The following ERMARD variants were observed in gnomAD, a reference collection of about 807,000 sequenced individuals.
ERMARD encodes endoplasmic reticulum membrane-associated RNA degradation protein.
A neutral mutation model predicts 83.9 loss-of-function variants in ERMARD; 71 were observed. The ratio of observed to expected loss-of-function variants is 0.85; its 90% CI spans 0.70 to 1.03. ERMARD has a LOEUF of 1.03. Among genes scored for constraint, ERMARD ranks in the 50% least tolerant of loss-of-function variants. The pLI is 0.00. For missense variants in ERMARD, 838 were observed against 810.9 expected (o/e 1.03, Z -0.41); for synonymous variants, 284 against 298.6 (o/e 0.95, Z 0.50).
At chr6:169,775,838 C>G in intron 14 of ERMARD, 102 bp from the exon 15 acceptor site, 1 of 1,378,126 alleles carries the variant, frequency 7.3e-7, no homozygotes, top group Non-Finnish European at 9.8e-7. Context: ...GTGAGATTCA[C>G]AGTCAGGTCG....
In ERMARD at chr6:169,758,973, T is replaced by C; in HGVS notation, c.513T>C (p.Asn171=). ...TGTAATGATTTGCGGATTAGATGAA[T>C]GTGCTAAAAGTCTTCGTTGGCTCTC... The part of the protein sequence containing the change: ...LAQVFSQSVM[N]VLKVFVGSPC... The change falls in exon 6 of 18, where the codon AAT becomes AAC. Residue 171 remains asparagine, a synonymous_variant. Coordinates refer to ENST00000366773, the MANE Select transcript of ERMARD (RefSeq NM_018341.3). The C allele has an allele frequency of 2.5e-6, 4 of 1,613,362 alleles. No individual in the cohort carries two copies. The highest frequency in any genetic ancestry group is 2.7e-5 in the African/African-American group (2 of 75,036).
At chr6:169,778,139 C>T (rs1380177074) in intron 16 of ERMARD, among the ~76,000 whole-genome samples, 1 of 152,214 alleles carries the variant, frequency 6.6e-6, no homozygotes, top group Non-Finnish European at 1.5e-5. Flanking sequence ...CAGGAGAAAA[C>T]CCATGCCGAA....
intron 6 of ERMARD, among the ~76,000 whole-genome samples, chr6:169,759,500 A>G (rs1791244913): frequency 6.6e-6 from 1 of 151,604 alleles, no homozygotes; most frequent in Non-Finnish European, 1.5e-5. Flanking sequence ...GCTCATTACA[A>G]CCTCCTCCTC....
Position 169,775,280 on chromosome 6 carries a change from G to T in ERMARD, c.1328G>T (p.Cys443Phe), listed in dbSNP as rs771034185. Residue 443 changes from cysteine to phenylalanine, a missense_variant, in exon 14 of 18, where the codon TGT becomes TTT. Transcript: ENST00000366773. ...AACATTTCCTCCCAGGTGCTGAGCTGTGAGGAGAGCATCAGGGTTTGGGCT... is the reference window on the plus strand; with the variant it reads ...AACATTTCCTCCCAGGTGCTGAGCTTTGAGGAGAGCATCAGGGTTTGGGCT... ...VFQLKKQVLS[C>F]EESIRVWALL... The T allele has an allele frequency of 2.5e-6, 4 of 1,614,126 alleles. No homozygotes were observed. In the Admixed American group the frequency reaches 5.0e-5, roughly 20 times the overall value.
chr6:169,777,322 CA>C (rs916510524), intron 16 of ERMARD, among the ~76,000 whole-genome samples: 3 of 152,196 alleles, frequency 2.0e-5, no homozygotes, highest in African/African-American at 7.2e-5. Context: ...AGAACTCTTT[CA>C]GGGTAAAGAT....
At chr6:169,778,069 A>G (rs2128367881) in intron 16 of ERMARD, among the ~76,000 whole-genome samples, 1 of 152,342 alleles carries the variant, frequency 6.6e-6, no homozygotes, top group East Asian at 1.9e-4. Flanking sequence ...CTCTGGGACC[A>G]TGGAGATGCG....
chr6:169,769,677 C>CA lies in ERMARD; in HGVS notation c.1198dup (p.Arg400LysfsTer4). On this transcript the variant is annotated frameshift_variant, in exon 12 of 18. Transcript: ENST00000366773. LOFTEE classifies it high-confidence loss of function. ...TTGCATTTTCTCTTGTACTGCTACT[C>CA]AGATTCGTTGATGACTGTCTGCTAT... is the stretch of plus-strand genomic sequence containing the variant. 6.2e-7 allele frequency: 1 copy of CA among 1,610,334 alleles called. No homozygotes were observed. The highest frequency in any genetic ancestry group is 8.5e-7 in the Non-Finnish European group (1 of 1,178,422).
chr6:169,751,881 TG>T (rs1790150149), intron 1 of ERMARD: 3 of 627,172 alleles, frequency 4.8e-6, no homozygotes, highest in South Asian at 6.4e-5. Context: ...CCGGCCTCCC[TG>T]GGCCAGGCTC....
At chr6:169,779,953 TAGCTCC>T (rs1291601615) in intron 17 of ERMARD, among the ~76,000 whole-genome samples, 1 of 152,228 alleles carries the variant, frequency 6.6e-6, no homozygotes, top group Admixed American at 6.5e-5. Flanking sequence ...GGCTTGAGTG[TAGCTCC>T]AGCTCCAGTC....
At position 169,756,798 on chromosome 6, in the gene ERMARD, G is replaced by T. The variant is rs1790873043; in HGVS notation, c.497G>T (p.Ser166Ile). Residue 166 changes from serine (S) to isoleucine (I), a missense_variant, in exon 5 of 18, where the codon AGT becomes ATT. Ser to Ile is a moderately radical substitution (Grantham distance 142). Transcript: ENST00000366773. ...LSSEELAQVFSQSVMNVLKVF... is the reference protein window; with the variant it reads ...LSSEELAQVFIQSVMNVLKVF... ...TCTGAGGAGCTTGCTCAAGTCTTCA[G>T]TCAGTCTGTGGTAAGCTTGTTCATC... The T allele has an allele frequency of 3.7e-6, 6 of 1,613,822 alleles. No homozygotes were observed. Among genetic ancestry groups the T allele is most frequent in the Non-Finnish European group, 5.1e-6 (6 of 1,179,988 alleles).
At chr6:169,751,466 T>C (rs1790063610), upstream of ERMARD, 1 of 1,613,428 alleles carries the variant, frequency 6.2e-7, no homozygotes, top group Admixed American at 1.7e-5. Flanking sequence ...CATCTCGCTC[T>C]GTTCTCCAAG....
chr6:169,751,922 T>G (rs1438877956), intron 1 of ERMARD: 1 of 504,736 alleles, frequency 2.0e-6, no homozygotes, highest in Non-Finnish European at 3.3e-6. Flanking sequence ...GGCCCTGAGC[T>G]GGAACGCGGC....
chr6:169,778,478 C>T (rs1180355333), intron 16 of ERMARD, among the ~76,000 whole-genome samples: 1 of 152,190 alleles, frequency 6.6e-6, no homozygotes, highest in African/African-American at 2.4e-5. Flanking sequence ...ATTATGGTTT[C>T]TTCACTTATA....
At chr6:169,756,216 A>T (rs1790793018) in intron 3 of ERMARD, 122 bp from the exon 4 acceptor site, 2 of 490,610 alleles carry the variant, frequency 4.1e-6, no homozygotes, top group South Asian at 4.3e-5. Flanking sequence ...ATGTTTACTT[A>T]TTCACTGAAA....
At chr6:169,764,657 C>T (rs1168517940) in intron 9 of ERMARD, among the ~76,000 whole-genome samples, 1 of 152,180 alleles carries the variant, frequency 6.6e-6, no homozygotes, top group Non-Finnish European at 1.5e-5. Flanking sequence ...GTCCTGCTGC[C>T]TGCCAGATGG....
Position 169,756,446 on chromosome 6 carries a change from G to A in ERMARD, c.417+7G>A. The A allele has an allele frequency of 6.4e-7, 1 of 1,573,802 alleles. No individual in the cohort carries two copies. Among genetic ancestry groups the A allele is most frequent in the African/African-American group, 1.4e-5 (1 of 73,740 alleles). On this transcript the variant is annotated splice_region_variant and intron_variant, in intron 4 of 17. Coordinates refer to ENST00000366773, the MANE Select transcript of ERMARD (RefSeq NM_018341.3). ...AGAACGAGCCTTGGGTGATGTAAGT[G>A]TGAGAACTCTTTCATTATTGGCCCA...
chr6:169,779,083 G>A, intron 16 of ERMARD, 99 bp from the exon 17 acceptor site: 1 of 1,028,762 alleles, frequency 9.7e-7, no homozygotes. Context: ...TGAGAAGTTG[G>A]GACTTAAGGA....
chr6:169,774,616 T>C (rs1438027209), intron 13 of ERMARD, among the ~76,000 whole-genome samples: 2 of 152,208 alleles, frequency 1.3e-5, no homozygotes, highest in Non-Finnish European at 2.9e-5. Context: ...CTTTGCATCC[T>C]GGGCTTCCGT....
upstream of ERMARD, chr6:169,751,547 C>G: frequency 1.2e-6 from 2 of 1,610,568 alleles, no homozygotes; most frequent in Non-Finnish European, 8.5e-7. Flanking sequence ...GGAAGTCTCC[C>G]ACCTGCGCCT....
Sources: gnomAD v4.1 joint callset for allele counts (sites outside exome capture counted in the v4.1 genomes callset) on GRCh38, gnomAD v4.1.1 for gene constraint, MANE v1.5 for transcripts, NCBI Gene and HGNC (gene_info 2026-07-23, HGNC 2026-07-21) for gene names.